PLCB1: variants seen among roughly 807,000 people sequenced by gnomAD.
PLCB1 encodes phospholipase C beta 1, also known as 1-phosphatidylinositol 4,5-bisphosphate phosphodiesterase beta-1.
A neutral mutation model predicts 161.8 loss-of-function variants in PLCB1; 46 were observed. The observed-to-expected ratio is 0.28, with a 90% CI of 0.22 to 0.36. PLCB1 has a LOEUF of 0.36. Ranked by LOEUF, PLCB1 falls within the 10% of genes least tolerant of loss-of-function variation. The pLI is 1.00. For missense variants in PLCB1, 1,016 were observed against 1,472.5 expected, an observed-to-expected ratio of 0.69 and a Z score of 5.07; for synonymous variants, 517 against 503.7, an observed-to-expected ratio of 1.03 and a Z score of -0.35.
At chr20:8,760,656 G>T (rs1019264819) in intron 25 of PLCB1, among the ~76,000 whole-genome samples, 196 bp downstream of exon 25, 2 of 152,174 alleles carry the variant, frequency 1.3e-5, no homozygotes, top group African/African-American at 4.8e-5. Context: ...ACCATACTTT[G>T]TAGCTAGAAC....
chr20:8,330,021 A>C (rs2745777), intron 2 of PLCB1, among the ~76,000 whole-genome samples: 1,878 of 152,318 alleles, frequency 0.012, 36 homozygotes, highest in African/African-American at 0.042. Context: ...AGGTGGCAAG[A>C]CGGTGTTCAA....
At chr20:8,626,965 G>A (rs1197269063) in intron 3 of PLCB1, among the ~76,000 whole-genome samples, 2 of 151,962 alleles carry the variant, frequency 1.3e-5, no homozygotes, top group South Asian at 2.1e-4. Flanking sequence ...TGCTATTATT[G>A]TTTATTTAAT....
chr20:8,250,049 G>C (rs976021343), intron 2 of PLCB1, among the ~76,000 whole-genome samples: 1 of 151,916 alleles, frequency 6.6e-6, no homozygotes, highest in East Asian at 1.9e-4. Flanking sequence ...TTCAATTCCT[G>C]ACTTAGTACA....
At chr20:8,340,991 G>T (rs1360523068) in intron 2 of PLCB1, among the ~76,000 whole-genome samples, 1 of 152,122 alleles carries the variant, frequency 6.6e-6, no homozygotes, top group Non-Finnish European at 1.5e-5. Flanking sequence ...AGATGCCCAT[G>T]AACCAGTACA....
chr20:8,510,593 G>A (rs1188929261), intron 3 of PLCB1, among the ~76,000 whole-genome samples: 3 of 151,912 alleles, frequency 2.0e-5, no homozygotes, highest in African/African-American at 7.2e-5. Flanking sequence ...GTTTCGCCAT[G>A]TTGGCCAGGC....
chr20:8,174,745 A>G (rs555204845), intron 2 of PLCB1, among the ~76,000 whole-genome samples: 2 of 152,266 alleles, frequency 1.3e-5, no homozygotes, highest in African/African-American at 4.8e-5. Flanking sequence ...AATGTAATAA[A>G]TCACATATGC....
chr20:8,284,138 A>T, intron 2 of PLCB1, among the ~76,000 whole-genome samples: 1 of 151,926 alleles, frequency 6.6e-6, no homozygotes, highest in East Asian at 1.9e-4. Context: ...TTATTACCAC[A>T]TTGTATTACT....
At chr20:8,280,120 G>C (rs1439191237) in intron 2 of PLCB1, among the ~76,000 whole-genome samples, 2 of 152,132 alleles carry the variant, frequency 1.3e-5, no homozygotes, top group Admixed American at 6.6e-5. Context: ...CGGATCACCT[G>C]AGGTCAGGAG....
chr20:8,460,422 T>A (rs1981524977), intron 3 of PLCB1, among the ~76,000 whole-genome samples: 1 of 152,252 alleles, frequency 6.6e-6, no homozygotes, highest in Non-Finnish European at 1.5e-5. Context: ...TTGTAAATTA[T>A]GATGCCTATT....
chr20:8,863,997 T>C (rs374149932), intron 31 of PLCB1, among the ~76,000 whole-genome samples: 6 of 152,380 alleles, frequency 3.9e-5, no homozygotes, highest in African/African-American at 9.6e-5. Context: ...TCTTTTCTTA[T>C]TCATCACTGA....
chr20:8,290,282 A>C (rs535899199), intron 2 of PLCB1, among the ~76,000 whole-genome samples: 1 of 152,294 alleles, frequency 6.6e-6, no homozygotes, highest in South Asian at 2.1e-4. Context: ...ATTCCGAGAC[A>C]AGGACTCTGA....
intron 3 of PLCB1, among the ~76,000 whole-genome samples, chr20:8,441,189 C>G (rs973991225): frequency 1.3e-5 from 2 of 152,090 alleles, no homozygotes; most frequent in African/African-American, 4.8e-5. Flanking sequence ...CAGTAATATT[C>G]CAAGTAAAGT....
chr20:8,159,654 G>A (rs6039060), intron 2 of PLCB1, among the ~76,000 whole-genome samples: 60,406 of 151,766 alleles, frequency 0.4, 12,073 homozygotes, highest in Middle Eastern at 0.46. Flanking sequence ...TATCTTTAAC[G>A]GTACCCAAGC....
intron 4 of PLCB1, among the ~76,000 whole-genome samples, chr20:8,641,828 A>C (rs1988965870): frequency 6.6e-6 from 1 of 152,168 alleles, no homozygotes; most frequent in African/African-American, 2.4e-5. Flanking sequence ...GCAGAGTAAT[A>C]GCAATCAAGA....
At chr20:8,687,125 A>G (rs1990378791) in intron 10 of PLCB1, among the ~76,000 whole-genome samples, 1 of 151,650 alleles carries the variant, frequency 6.6e-6, no homozygotes, top group Admixed American at 6.6e-5. Context: ...TCCTGGGCTC[A>G]AGCAATCCTC....
chr20:8,735,329 T>G (rs1379918041), intron 19 of PLCB1, among the ~76,000 whole-genome samples: 2 of 152,330 alleles, frequency 1.3e-5, no homozygotes, highest in South Asian at 2.1e-4. Context: ...GAAAGTACAT[T>G]GAGTTGTGAA....
In PLCB1 at chr20:8,789,671, A is replaced by G. The variant is rs4816086; in HGVS notation, c.3336+96A>G. 0.29 allele frequency: 260,598 copies of G among 914,376 alleles called. 39,083 individuals are homozygous for G. Among genetic ancestry groups the G allele is most frequent in the Non-Finnish European group, 0.32 (175,079 of 548,704 alleles). 56.6% of individuals were successfully genotyped at this position (914,376 alleles called of 1,614,324 possible). ...CTGGAAGGAAATGTCATGCCTTGCC[A>G]TAACTTTTTATCACTAGCACCTAGC... On this transcript the variant is annotated intron_variant, in intron 30 of 31. Coordinates refer to ENST00000338037, the MANE Select transcript of PLCB1 (RefSeq NM_015192.4).
chr20:8,740,422 A>G lies in PLCB1; in HGVS notation c.2387A>G (p.Lys796Arg), dbSNP rs886056964. Residue 796 changes from lysine (K) to arginine (R), a missense_variant, in exon 22 of 32, where the codon AAA becomes AGA. By Grantham distance (26) the Lys-to-Arg change is conservative. This residue lies in a region of PLCB1 where 75 missense variants were observed against 117.0 expected (regional missense o/e 0.64). Coordinates refer to ENST00000338037, the MANE Select transcript of PLCB1 (RefSeq NM_015192.4). ...LPAVFVYIEV[K>R]DYVPDTYADV... ...GCTGTCTTTGTCTACATAGAAGTGAAAGACTATGTGCCAGACACATATGCA... is the reference window on the plus strand; with the variant it reads ...GCTGTCTTTGTCTACATAGAAGTGAGAGACTATGTGCCAGACACATATGCA... 1.4e-5 allele frequency: 23 copies of G among 1,600,564 alleles called. No homozygotes were observed. Among genetic ancestry groups the G allele is most frequent in the Non-Finnish European group, 2.0e-5 (23 of 1,174,608 alleles).
chr20:8,161,861 C>A (rs562507918), intron 2 of PLCB1, among the ~76,000 whole-genome samples: 1 of 151,980 alleles, frequency 6.6e-6, no homozygotes, highest in Admixed American at 6.6e-5. Context: ...GCAAGCTGAC[C>A]TTACAAATTA....
Sources: allele counts gnomAD v4.1 joint callset (sites outside exome capture counted in the v4.1 genomes callset), GRCh38; gene constraint gnomAD v4.1.1; regional missense constraint gnomAD v4.1.1; transcripts MANE v1.5; gene names NCBI Gene and HGNC (gene_info 2026-07-23, HGNC 2026-07-21).